Variants in EFCAB5 observed in about 807,000 individuals in gnomAD.
The protein encoded by EFCAB5 is EF-hand calcium binding domain 5, also known as EF-hand calcium-binding domain-containing protein 5.
EFCAB5 carries 131 observed loss-of-function variants against 167.9 expected under a neutral mutation model. That is an observed-to-expected ratio of 0.78 (90% confidence interval 0.68 to 0.90). The LOEUF is 0.90. Among genes scored for constraint, EFCAB5 ranks in the 40% least tolerant of loss-of-function variants. The pLI, the probability that EFCAB5 is intolerant of heterozygous loss-of-function variation, is 0.00. For missense variants in EFCAB5, 1,663 were observed against 1,745.2 expected, an observed-to-expected ratio of 0.95 and a Z score of 0.84; for synonymous variants, 574 against 602.8, an observed-to-expected ratio of 0.95 and a Z score of 0.70.
At chr17:30,068,905 C>A in intron 14 of EFCAB5, 2 of 1,539,470 alleles carry the variant, frequency 1.3e-6, no homozygotes, top group South Asian at 1.1e-5. Flanking sequence ...AGACACAGAA[C>A]GAGACCAAAT....
intron 7 of EFCAB5, among the ~76,000 whole-genome samples, chr17:30,024,790 A>C (rs2069272732): frequency 6.6e-6 from 1 of 152,176 alleles, no homozygotes; most frequent in Non-Finnish European, 1.5e-5. Flanking sequence ...ACTATACTAC[A>C]AGGCTACAGT....
rs11409322 is a variant in EFCAB5 at position 29,972,204 on chromosome 17, A to ATTT, written c.767+2853_767+2855dup. Among the ~76,000 whole-genome samples, 1,037 of 127,400 alleles carry ATTT rather than the reference A, an allele frequency of 8.1e-3. 5 individuals are homozygous for ATTT. The highest frequency in any genetic ancestry group is 0.02 in the Middle Eastern group (5 of 254). The allele number at this position is 127,400 out of a possible 152,430, so 83.6% of individuals were successfully genotyped here. A position where few individuals can be genotyped will look rare whatever the true frequency, so the allele number is the denominator to read the frequency against. ...AGGCACCCGCCACCACGCCCGGCTAATTTTTTTTTTTTTTTTTTGTATTTT... is the reference window on the plus strand; with the variant it reads ...AGGCACCCGCCACCACGCCCGGCTAATTTTTTTTTTTTTTTTTTTTTGTATTTT... On this transcript the variant is annotated intron_variant, in intron 4 of 22. Transcript: ENST00000394835.
chr17:29,933,493 C>G (rs916195395), intron 1 of EFCAB5, among the ~76,000 whole-genome samples: 1 of 152,168 alleles, frequency 6.6e-6, no homozygotes, highest in Non-Finnish European at 1.5e-5. Context: ...CTAGGATCCT[C>G]TTACTATTCT....
intron 3 of EFCAB5, among the ~76,000 whole-genome samples, chr17:29,960,869 TA>T (rs1293580222): frequency 6.6e-6 from 1 of 152,160 alleles, no homozygotes; most frequent in Non-Finnish European, 1.5e-5. Context: ...TTATTATTAT[TA>T]TTTTTTTAAG....
At chr17:30,012,897 T>C (rs2068940932) in intron 7 of EFCAB5, among the ~76,000 whole-genome samples, 1 of 152,226 alleles carries the variant, frequency 6.6e-6, no homozygotes, top group African/African-American at 2.4e-5. Flanking sequence ...TCAAAGGGAA[T>C]GCTTCCAGTT....
chr17:30,024,858 A>G (rs1438800261), intron 7 of EFCAB5, among the ~76,000 whole-genome samples: 1 of 152,134 alleles, frequency 6.6e-6, no homozygotes, highest in Non-Finnish European at 1.5e-5. Context: ...GGAACAGAAC[A>G]GAGCCCTCAG....
At chr17:30,068,195 GGGA>G (rs1317512728) in intron 14 of EFCAB5, among the ~76,000 whole-genome samples, 4 of 152,018 alleles carry the variant, frequency 2.6e-5, no homozygotes, top group Admixed American at 6.6e-5. Context: ...CCAGCTACTC[GGGA>G]GGCTGAGGCA....
intron 2 of EFCAB5, among the ~76,000 whole-genome samples, chr17:29,942,569 C>T (rs2067315114): frequency 6.6e-6 from 1 of 151,950 alleles, no homozygotes; most frequent in Non-Finnish European, 1.5e-5. Context: ...AAACTGTAAC[C>T]ACCAGCTTTT....
intron 18 of EFCAB5, among the ~76,000 whole-genome samples, 191 bp downstream of exon 18, chr17:30,083,234 T>G (rs936729817): frequency 2.0e-5 from 3 of 152,244 alleles, no homozygotes; most frequent in Non-Finnish European, 4.4e-5. Context: ...GAGAATTAAC[T>G]GACTCACGTG....
intron 3 of EFCAB5, among the ~76,000 whole-genome samples, chr17:29,950,402 C>T (rs1325676983): frequency 1.3e-5 from 2 of 151,846 alleles, no homozygotes; most frequent in Non-Finnish European, 1.5e-5. Context: ...TACATGGTCT[C>T]ACTCTGTGGC....
In EFCAB5 at chr17:29,996,307, T is replaced by A. The variant is rs1268979237; in HGVS notation, c.925-5T>A. 2 of 1,549,544 alleles carry A rather than the reference T, an allele frequency of 1.3e-6. No individual in the cohort carries two copies. The highest frequency in any genetic ancestry group is 3.9e-5 in the Admixed American group (2 of 50,938). On this transcript the variant is annotated splice_polypyrimidine_tract_variant and splice_region_variant and intron_variant, in intron 5 of 22. Transcript: ENST00000394835. ...TCTTTCTTTTTTTCCTCTTTTGAGT[T>A]GCAGATTCAGAATGTTCTTCAAGAA...
intron 22 of EFCAB5, among the ~76,000 whole-genome samples, chr17:30,102,497 A>C (rs1338906357): frequency 1.3e-5 from 2 of 151,904 alleles, no homozygotes; most frequent in East Asian, 3.9e-4. Context: ...CAGCCTCCTG[A>C]GTAGCTGGGA....
At chr17:30,100,593 C>A (rs550883808) in intron 22 of EFCAB5, among the ~76,000 whole-genome samples, 3 of 151,954 alleles carry the variant, frequency 2.0e-5, no homozygotes, top group African/African-American at 7.3e-5. Flanking sequence ...CATGTGAAAC[C>A]CCATCTCTAC....
chr17:30,051,095 C>T (rs2070080015), intron 8 of EFCAB5, 23 bp from the exon 9 acceptor site: 6 of 1,610,848 alleles, frequency 3.7e-6, no homozygotes, highest in Non-Finnish European at 4.2e-6. Context: ...AACAACTAAT[C>T]ACAAACTTTC....
chr17:30,090,350 A>G (rs1229781111), intron 19 of EFCAB5, 71 bp from the exon 20 acceptor site: 8 of 1,549,962 alleles, frequency 5.2e-6, no homozygotes, highest in Non-Finnish European at 7.0e-6. Context: ...GAGTAATTCA[A>G]TATGTTTTGG....
intron 17 of EFCAB5, among the ~76,000 whole-genome samples, chr17:30,081,536 A>G (rs551604205): frequency 6.6e-6 from 1 of 152,348 alleles, no homozygotes; most frequent in South Asian, 2.1e-4. Context: ...GACCATTTCT[A>G]CAAGCATTTT....
rs116919501 is a variant in EFCAB5 at position 30,068,990 on chromosome 17, A to T, written c.2738-9225A>T. On this transcript the variant is annotated intron_variant, in intron 14 of 22. Transcript: ENST00000394835. ...CAACTACGAACAGAAGCTCACAAGG[A>T]GATACATTCCCAGCAAGTGAAGGAG... The T allele has an allele frequency of 1.5e-4, 221 of 1,454,228 alleles. 1 individual carries two copies. In the East Asian group the frequency reaches 4.9e-3, roughly 32 times the overall value. 90.1% of individuals were successfully genotyped at this position (1,454,228 alleles called of 1,614,324 possible).
intron 1 of EFCAB5, among the ~76,000 whole-genome samples, chr17:29,935,594 A>T (rs2067238296): frequency 6.6e-6 from 1 of 152,150 alleles, no homozygotes; most frequent in Non-Finnish European, 1.5e-5. Context: ...TTTGCCAAGA[A>T]ATTTTAACAA....
At chr17:29,978,960 G>T (rs1032890665) in intron 4 of EFCAB5, among the ~76,000 whole-genome samples, 1 of 152,250 alleles carries the variant, frequency 6.6e-6, no homozygotes, top group East Asian at 1.9e-4. Context: ...CAGGGGGGAT[G>T]GGGGGAGTGG....
Sources: allele counts gnomAD v4.1 joint callset (sites outside exome capture counted in the v4.1 genomes callset), GRCh38; gene constraint gnomAD v4.1.1; transcripts MANE v1.5; gene names NCBI Gene and HGNC (gene_info 2026-07-23, HGNC 2026-07-21).